DLG1: variants seen among roughly 807,000 people sequenced by gnomAD.
DLG1 encodes the protein discs large MAGUK scaffold protein 1, also known as disks large homolog 1.
Under a neutral mutation model 123.4 loss-of-function variants are expected in DLG1, and 42 were observed. That is an observed-to-expected ratio of 0.34 (90% CI 0.27 to 0.44). The LOEUF is 0.44. Ranked by LOEUF, DLG1 falls within the 20% of genes least tolerant of loss-of-function variation. The pLI is 1.00. For synonymous variants in DLG1, 317 were observed against 356.2 expected (o/e 0.89, Z 1.24); for missense variants, 942 against 1,082.6 (o/e 0.87, Z 1.82).
chr3:197,164,157 C>T (rs912793104), intron 5 of DLG1, among the ~76,000 whole-genome samples: 17 of 151,632 alleles, frequency 1.1e-4, no homozygotes, highest in African/African-American at 3.6e-4. Context: ...TTTGGGAGGC[C>T]GATGCGGGTG....
intron 5 of DLG1, among the ~76,000 whole-genome samples, chr3:197,182,309 G>A (rs1712709880): frequency 6.6e-6 from 1 of 152,110 alleles, no homozygotes; most frequent in Admixed American, 6.5e-5. Flanking sequence ...CAATTTAAGA[G>A]TTAAATCAAT....
intron 4 of DLG1, among the ~76,000 whole-genome samples, chr3:197,269,741 C>A (rs1451749625): frequency 6.6e-6 from 1 of 152,138 alleles, no homozygotes; most frequent in Non-Finnish European, 1.5e-5. Context: ...GAGGCTATAG[C>A]AAGAATGAAT....
chr3:197,269,324 T>C (rs1376922957), intron 4 of DLG1, among the ~76,000 whole-genome samples: 2 of 152,188 alleles, frequency 1.3e-5, no homozygotes, highest in African/African-American at 2.4e-5. Flanking sequence ...ATTTCTCAGC[T>C]TGATTATAAC....
In DLG1 at chr3:197,288,741, A is replaced by ACATACATACATACAT. The variant is rs1213910267; in HGVS notation, c.152-5897_152-5896insATGTATGTATGTATG. ...TCTCAAAAAAAAAAAAAAAAAAAAAAAAATACATACATACATACATACATA... is the reference window on the plus strand; with the variant it reads ...TCTCAAAAAAAAAAAAAAAAAAAAAACATACATACATACATAAATACATACATACATACATACATA... On this transcript the variant is annotated intron_variant, in intron 3 of 24. Transcript: ENST00000667157. 2.5e-4 allele frequency among the ~76,000 whole-genome samples: 16 copies of ACATACATACATACAT among 63,420 alleles called. No individual in the cohort carries two copies. In the East Asian group the frequency reaches 3.7e-3, roughly 15 times the overall value. The allele number at this position is 63,420 out of a possible 152,430, so 41.6% of individuals were successfully genotyped here.
At chr3:197,114,987 GAAAA>G (rs375841391) in intron 13 of DLG1, among the ~76,000 whole-genome samples, 11,687 of 86,148 alleles carry the variant, frequency 0.14, 483 homozygotes, top group Middle Eastern at 0.18. Flanking sequence ...CCATCTCAAG[GAAAA>G]AAAAAAAAAA....
intron 5 of DLG1, among the ~76,000 whole-genome samples, chr3:197,167,980 C>T (rs1802252164): frequency 6.6e-6 from 1 of 152,202 alleles, no homozygotes; most frequent in Non-Finnish European, 1.5e-5. Context: ...TAATAATCTA[C>T]TTTGATAGCC....
At chr3:197,262,482 T>C (rs1163115770) in intron 4 of DLG1, among the ~76,000 whole-genome samples, 1 of 152,194 alleles carries the variant, frequency 6.6e-6, no homozygotes, top group African/African-American at 2.4e-5. Flanking sequence ...CTGAGTTCTG[T>C]AAGCCATCCT....
At chr3:197,061,759 T>C (rs1382279877) in intron 22 of DLG1, among the ~76,000 whole-genome samples, 1 of 152,222 alleles carries the variant, frequency 6.6e-6, no homozygotes, top group Non-Finnish European at 1.5e-5. Context: ...GTCCATCATA[T>C]CTGGGAGGCG....
chr3:197,071,908 G>A (rs934009366), intron 18 of DLG1, among the ~76,000 whole-genome samples: 1 of 152,100 alleles, frequency 6.6e-6, no homozygotes, highest in African/African-American at 2.4e-5. Flanking sequence ...GTATCTATAC[G>A]ACCCAGCAAT....
intron 6 of DLG1, among the ~76,000 whole-genome samples, chr3:197,146,972 A>G (rs572236926): frequency 6.6e-6 from 1 of 152,298 alleles, no homozygotes; most frequent in East Asian, 1.9e-4. Context: ...ATCTCATCCA[A>G]AAGTGGGCTA....
chr3:197,184,174 G>T, intron 5 of DLG1: 1 of 982,412 alleles, frequency 1.0e-6, no homozygotes, highest in Non-Finnish European at 1.2e-6. Context: ...CGATTAGCAG[G>T]TAAAGAAGGA....
rs781122049 is a variant in DLG1, at chr3:197,282,855, G to A, written c.152-10C>T. The A allele has an allele frequency of 4.0e-5, 59 of 1,458,228 alleles. No individual in the cohort carries two copies. Among genetic ancestry groups the A allele is most frequent in the Non-Finnish European group, 5.4e-5 (58 of 1,070,906 alleles). The allele number at this position is 1,458,228 out of a possible 1,614,324, so 90.3% of individuals were successfully genotyped here. A position where few individuals can be genotyped will look rare whatever the true frequency, so the allele number is the denominator to read the frequency against. On this transcript the variant is annotated splice_polypyrimidine_tract_variant and intron_variant, in intron 3 of 24. Coordinates refer to ENST00000667157, the MANE Select transcript of DLG1 (RefSeq NM_001366207.1). ...TAAAATTCTTGAATATCTAGAAGAA[G>A]GAAAATAAAAATTCATAAGTATTTA...
chr3:197,238,874 C>A (rs969191870), intron 4 of DLG1, among the ~76,000 whole-genome samples: 5 of 151,824 alleles, frequency 3.3e-5, no homozygotes, highest in African/African-American at 1.2e-4. Flanking sequence ...GCTTACATTA[C>A]AAAACAAGAA....
chr3:197,058,380 CTG>C, intron 23 of DLG1, among the ~76,000 whole-genome samples: 1 of 149,252 alleles, frequency 6.7e-6, no homozygotes, highest in Non-Finnish European at 1.5e-5. Context: ...TCCTTCAAAG[CTG>C]TGTGTATTCC....
chr3:197,111,549 A>T (rs968747231), intron 13 of DLG1, among the ~76,000 whole-genome samples: 9 of 152,238 alleles, frequency 5.9e-5, no homozygotes, highest in Non-Finnish European at 1.2e-4. Flanking sequence ...ACTTAAATAA[A>T]TTACAGTATA....
chr3:197,166,101 G>A (rs1385173260), intron 5 of DLG1, among the ~76,000 whole-genome samples: 2 of 152,178 alleles, frequency 1.3e-5, no homozygotes, highest in African/African-American at 2.4e-5. Context: ...AAGCCGTGGC[G>A]GCAGCCTGTG....
At chr3:197,199,861 A>G (rs1275756398) in intron 4 of DLG1, among the ~76,000 whole-genome samples, 1 of 152,204 alleles carries the variant, frequency 6.6e-6, no homozygotes, top group African/African-American at 2.4e-5. Flanking sequence ...TATACTAAAA[A>G]GAATTACAAA....
chr3:197,223,148 A>G (rs1028437991), intron 4 of DLG1, among the ~76,000 whole-genome samples: 1 of 152,202 alleles, frequency 6.6e-6, no homozygotes, highest in African/African-American at 2.4e-5. Context: ...TACATTAAGA[A>G]CTTGAATGTC....
intron 16 of DLG1, among the ~76,000 whole-genome samples, chr3:197,084,094 G>A (rs568505186): frequency 2.6e-4 from 40 of 151,714 alleles, no homozygotes; most frequent in African/African-American, 8.5e-4. Context: ...GAAGTGAAGC[G>A]TATTACCAGA....
Sources: gnomAD v4.1 joint callset for allele counts (sites outside exome capture counted in the v4.1 genomes callset) on GRCh38, gnomAD v4.1.1 for gene constraint, MANE v1.5 for transcripts, NCBI Gene and HGNC (gene_info 2026-07-23, HGNC 2026-07-21) for gene names.